INPP5D: variants seen among roughly 807,000 people sequenced by gnomAD.
The protein encoded by INPP5D is inositol polyphosphate-5-phosphatase D.
Under a neutral mutation model 122.9 loss-of-function variants are expected in INPP5D, and 33 were observed. The observed-to-expected ratio is 0.27, with a 90% CI of 0.20 to 0.36. The LOEUF (loss-of-function observed/expected upper bound fraction) is 0.36. INPP5D is among the 10% of genes least tolerant of loss of function. INPP5D has a pLI of 1.00. For synonymous variants in INPP5D, 584 were observed against 576.2 expected, an observed-to-expected ratio of 1.01 and a Z score of -0.19; for missense variants, 1,053 against 1,412.7, an observed-to-expected ratio of 0.75 and a Z score of 4.08.
chr2:233,094,170 T>C (rs1692067568), intron 2 of INPP5D, among the ~76,000 whole-genome samples: 1 of 151,934 alleles, frequency 6.6e-6, no homozygotes, highest in Admixed American at 6.6e-5. Context: ...ATTTTGGATA[T>C]ATTGGGTTAA....
chr2:233,204,807 TGTGTGTGTGCAC>T (rs1304128321), intron 26 of INPP5D, 90 bp downstream of exon 26: 55 of 1,422,150 alleles, frequency 3.9e-5, no homozygotes, highest in Non-Finnish European at 4.8e-5. Context: ...TGTGTGTGCA[TGTGTGTGTGCAC>T]GCATGCATAT....
Position 233,071,992 on chromosome 2 carries a change from C to G in INPP5D, c.135-7343C>G, listed in dbSNP as rs116114497. On this transcript the variant is annotated intron_variant, in intron 1 of 26. Coordinates refer to ENST00000445964, the MANE Select transcript of INPP5D (RefSeq NM_001017915.3). The stretch of plus-strand genomic sequence containing the variant: ...GTGTACTTTCCAAATACTTATGACA[C>G]TTATTCAGATTTCATAACTTATTGC... 3.2e-3 allele frequency among the ~76,000 whole-genome samples: 492 copies of G among 152,270 alleles called. 7 individuals carry two copies. The highest frequency in any genetic ancestry group is 7.9e-3 in the African/African-American group (330 of 41,548).
intron 5 of INPP5D, chr2:233,131,148 C>T (rs1693315023): frequency 1.0e-6 from 1 of 978,746 alleles, no homozygotes; most frequent in Non-Finnish European, 1.2e-6. Flanking sequence ...ATGTCCGATC[C>T]ATTGAATGAC....
chr2:233,130,062 C>T (rs1033034265), intron 4 of INPP5D, among the ~76,000 whole-genome samples: 35 of 152,130 alleles, frequency 2.3e-4, no homozygotes, highest in Admixed American at 1.9e-3. Context: ...CCACCACACC[C>T]GGCTAATTTT....
At chr2:233,143,371 A>G (rs930244832) in intron 6 of INPP5D, among the ~76,000 whole-genome samples, 16 of 152,180 alleles carry the variant, frequency 1.1e-4, no homozygotes, top group Non-Finnish European at 2.1e-4. Flanking sequence ...GGGACCTGCA[A>G]TTGCATTGGT....
intron 1 of INPP5D, among the ~76,000 whole-genome samples, chr2:233,063,195 C>G (rs372632039): frequency 6.6e-6 from 1 of 152,218 alleles, no homozygotes; most frequent in Non-Finnish European, 1.5e-5. Context: ...GCCCTGGAAG[C>G]CTGGAGCCAC....
At chr2:233,171,280 G>T in intron 17 of INPP5D, 128 bp downstream of exon 17, 1 of 1,400,990 alleles carries the variant, frequency 7.1e-7, no homozygotes. Flanking sequence ...AAATTAGAAA[G>T]CACATGTTGA....
chr2:233,087,763 T>C (rs903801077), intron 2 of INPP5D, among the ~76,000 whole-genome samples: 2 of 152,226 alleles, frequency 1.3e-5, no homozygotes, highest in Non-Finnish European at 2.9e-5. Flanking sequence ...AGATAGAAAG[T>C]GCTACAGGTT....
chr2:233,164,893 A>G lies in INPP5D; in HGVS notation c.1555+469A>G, dbSNP rs1694288842. 6.8e-6 allele frequency among the ~76,000 whole-genome samples: 1 copy of G among 146,392 alleles called. No homozygotes were observed. The highest frequency in any genetic ancestry group is 1.5e-5 in the Non-Finnish European group (1 of 65,796). On this transcript the variant is annotated intron_variant, in intron 13 of 26. Coordinates refer to ENST00000445964, the MANE Select transcript of INPP5D (RefSeq NM_001017915.3). The surrounding 1 kb of genome is among the most constrained non-coding windows in gnomAD (Gnocchi z 4.3). Reference sequence around the variant, plus strand: ...CAGCCATAGGCAACCCAGAAAGCGAATGGGAGTGACTGTGTTACCAGTGAG... The same window carrying G: ...CAGCCATAGGCAACCCAGAAAGCGAGTGGGAGTGACTGTGTTACCAGTGAG...
intron 13 of INPP5D, among the ~76,000 whole-genome samples, chr2:233,166,999 T>C (rs1020545222): frequency 3.4e-5 from 5 of 146,318 alleles, no homozygotes; most frequent in African/African-American, 1.3e-4. Flanking sequence ...AAAAAAAAAG[T>C]CCTTAGAACA....
chr2:233,206,849 C>A lies in INPP5D; in HGVS notation c.*141C>A. 1 of 678,244 alleles carries A rather than the reference C, an allele frequency of 1.5e-6. No individual in the cohort carries two copies. Among genetic ancestry groups the A allele is most frequent in the Non-Finnish European group, 2.8e-6 (1 of 363,404 alleles). 42.0% of individuals were successfully genotyped at this position (678,244 alleles called of 1,614,324 possible). On this transcript the variant is annotated 3_prime_UTR_variant, in exon 27 of 27. Coordinates refer to ENST00000445964, the MANE Select transcript of INPP5D (RefSeq NM_001017915.3). This position sits in a 1 kb window ranked among gnomAD's most constrained non-coding sequence, Gnocchi z 4.0. ...GTGTTTTCAGGAAAGGGCCTAGCTT[C>A]TGTGTGGCCCACAGAGTTCACTGCC...
At chr2:233,077,273 G>A (rs1484090554) in intron 1 of INPP5D, among the ~76,000 whole-genome samples, 2 of 152,136 alleles carry the variant, frequency 1.3e-5, no homozygotes, top group African/African-American at 2.4e-5. Context: ...TAAGAAGAGG[G>A]GCTCATGGGA....
At chr2:233,205,597 G>C (rs62192898) in intron 26 of INPP5D, 39,847 of 151,256 alleles carry the variant, frequency 0.26, 5,720 homozygotes, top group Admixed American at 0.38. Context: ...CCTGACCTCA[G>C]GTGATCTGCC....
chr2:233,062,522 C>G (rs1055215806), intron 1 of INPP5D, among the ~76,000 whole-genome samples: 11 of 152,200 alleles, frequency 7.2e-5, no homozygotes, highest in African/African-American at 2.7e-4. Flanking sequence ...CTTCCTCTAC[C>G]TCTTCTCTCT....
chr2:233,124,917 G>A (rs998329023), intron 3 of INPP5D, among the ~76,000 whole-genome samples: 1 of 152,248 alleles, frequency 6.6e-6, no homozygotes, highest in Non-Finnish European at 1.5e-5. Flanking sequence ...TTGAGGCACC[G>A]CCAGACCGTG....
At position 233,204,270 on chromosome 2, in the gene INPP5D, C is replaced by G. The variant is rs1695417802; in HGVS notation, c.3120C>G (p.Pro1040=). 6.2e-7 allele frequency: 1 copy of G among 1,613,444 alleles called. No homozygotes were observed. The highest frequency in any genetic ancestry group is 1.1e-5 in the South Asian group (1 of 91,092). The change falls in exon 26 of 27, where the codon CCC becomes CCG. Residue 1040 remains proline, a synonymous_variant. Transcript: ENST00000445964. ...CTCCCAGGAAGGACCAGGAATCCCC[C>G]AAAATGCCGCGGAAGGAACCCCCGC... ...KPAPRKDQES[P]KMPRKEPPPC... is the part of the protein sequence containing the mutation.
chr2:233,186,867 T>C (rs1322674784), intron 21 of INPP5D, among the ~76,000 whole-genome samples: 1 of 151,054 alleles, frequency 6.6e-6, no homozygotes, highest in Non-Finnish European at 1.5e-5. Context: ...GGACTACAGA[T>C]GTGCACCACC....
chr2:233,166,562 C>A (rs1694345508), intron 13 of INPP5D, among the ~76,000 whole-genome samples: 1 of 152,164 alleles, frequency 6.6e-6, no homozygotes, highest in Non-Finnish European at 1.5e-5. Flanking sequence ...TGCAGGGCAG[C>A]TTCTGGGCTG....
At chr2:233,073,903 A>T (rs895232332) in intron 1 of INPP5D, among the ~76,000 whole-genome samples, 2 of 151,978 alleles carry the variant, frequency 1.3e-5, no homozygotes, top group Non-Finnish European at 2.9e-5. Flanking sequence ...CCTTTATCTC[A>T]GTTTGCTCAT....
Sources: allele counts gnomAD v4.1 joint callset (sites outside exome capture counted in the v4.1 genomes callset), GRCh38; gene constraint gnomAD v4.1.1; non-coding constraint Gnocchi (gnomAD v3.1); transcripts MANE v1.5; gene names NCBI Gene and HGNC (gene_info 2026-07-23, HGNC 2026-07-21).